The following FGGY variants were observed in gnomAD, a reference collection of about 807,000 sequenced individuals.
FGGY encodes FGGY carbohydrate kinase domain containing.
A neutral mutation model predicts 71.3 loss-of-function variants in FGGY; 72 were observed. That is an observed-to-expected ratio of 1.01 (90% CI 0.84 to 1.23). The LOEUF is 1.23. FGGY is among the 50% of genes most tolerant of loss of function. FGGY has a pLI of 0.00. For synonymous variants in FGGY, 251 were observed against 250.3 expected, an observed-to-expected ratio of 1.00 and a Z score of -0.02; for missense variants, 668 against 682.3, an observed-to-expected ratio of 0.98 and a Z score of 0.23.
At chr1:59,432,009 A>G (rs942975088) in intron 5 of FGGY, among the ~76,000 whole-genome samples, 1 of 152,194 alleles carries the variant, frequency 6.6e-6, no homozygotes, top group African/African-American at 2.4e-5. Flanking sequence ...GATGGATAGC[A>G]GCTCAGAATT....
intron 14 of FGGY, among the ~76,000 whole-genome samples, chr1:59,726,177 CA>C (rs1485332663): frequency 6.6e-6 from 1 of 152,010 alleles, no homozygotes; most frequent in Non-Finnish European, 1.5e-5. Context: ...CTTCATTTAT[CA>C]ACATGATTAT....
intron 8 of FGGY, among the ~76,000 whole-genome samples, chr1:59,585,280 C>A (rs1458326435): frequency 6.6e-6 from 1 of 152,150 alleles, no homozygotes; most frequent in Non-Finnish European, 1.5e-5. Flanking sequence ...TACTACCAGG[C>A]TACAGGAACC....
chr1:59,710,543 A>C (rs1009975731), intron 14 of FGGY, among the ~76,000 whole-genome samples: 1 of 152,246 alleles, frequency 6.6e-6, no homozygotes, highest in East Asian at 1.9e-4. Flanking sequence ...TTTGCAATCT[A>C]TCCATCTGAA....
At chr1:59,303,078 C>T (rs2153080872) in intron 1 of FGGY, among the ~76,000 whole-genome samples, 2 of 152,242 alleles carry the variant, frequency 1.3e-5, no homozygotes, top group Non-Finnish European at 2.9e-5. Flanking sequence ...GAAATGATTA[C>T]CACAATCAAG....
rs1572009779 is a variant in FGGY at position 59,606,695 on chromosome 1, C to G, written c.904-1108C>G. On this transcript the variant is annotated intron_variant, in intron 8 of 15. Coordinates refer to ENST00000303721, the MANE Select transcript of FGGY (RefSeq NM_018291.5). ...TTTTATGCTTTGTTTATAATGAGAG[C>G]TAGCAACTCAGGGAAATCAGAATGA... 2.0e-5 allele frequency among the ~76,000 whole-genome samples: 3 copies of G among 152,172 alleles called. No individual in the cohort carries two copies. The South Asian group carries it at 6.2e-4, about 32-fold the overall frequency.
intron 5 of FGGY, among the ~76,000 whole-genome samples, chr1:59,417,691 A>G (rs1013550164): frequency 1.3e-5 from 2 of 152,194 alleles, no homozygotes; most frequent in African/African-American, 4.8e-5. Context: ...GCCTTTATGT[A>G]ATGACTACTA....
chr1:59,631,320 T>C (rs2096906626), intron 10 of FGGY, among the ~76,000 whole-genome samples: 1 of 152,226 alleles, frequency 6.6e-6, no homozygotes, highest in Admixed American at 6.5e-5. Flanking sequence ...TGCTCTTGAC[T>C]TCATTTCTGT....
intron 14 of FGGY, among the ~76,000 whole-genome samples, chr1:59,735,642 A>G (rs2098094886): frequency 1.3e-5 from 2 of 152,224 alleles, no homozygotes. Flanking sequence ...TTATGAAGGA[A>G]GACAGAGCTT....
intron 5 of FGGY, among the ~76,000 whole-genome samples, chr1:59,408,542 CAT>C (rs1032720542): frequency 5.3e-5 from 8 of 152,284 alleles, no homozygotes; most frequent in African/African-American, 1.2e-4. Flanking sequence ...TTTTGGCACA[CAT>C]ATGTGTGCAC....
intron 1 of FGGY, among the ~76,000 whole-genome samples, chr1:59,304,552 T>G (rs1284423926): frequency 3.3e-5 from 5 of 152,058 alleles, no homozygotes; most frequent in African/African-American, 9.7e-5. Flanking sequence ...TATTTGGAGT[T>G]TTTTGTGGTT....
At chr1:59,756,950 C>T (rs1164576656) in intron 14 of FGGY, among the ~76,000 whole-genome samples, 2 of 148,856 alleles carry the variant, frequency 1.3e-5, no homozygotes, top group East Asian at 3.9e-4. Context: ...GTGAGTTTCT[C>T]CAGGATAAAG....
chr1:59,529,480 A>C (rs2153661516), intron 7 of FGGY, among the ~76,000 whole-genome samples: 1 of 152,326 alleles, frequency 6.6e-6, no homozygotes, highest in East Asian at 1.9e-4. Flanking sequence ...TCTCCACTGG[A>C]AGCAATGAAA....
chr1:59,365,766 A>T (rs1275128601), intron 4 of FGGY, among the ~76,000 whole-genome samples: 1 of 152,216 alleles, frequency 6.6e-6, no homozygotes, highest in Non-Finnish European at 1.5e-5. Flanking sequence ...GAGATCATGC[A>T]TGTCAAAGTG....
chr1:59,602,398 A>C (rs2096586840), intron 8 of FGGY, among the ~76,000 whole-genome samples: 1 of 152,214 alleles, frequency 6.6e-6, no homozygotes, highest in South Asian at 2.1e-4. Flanking sequence ...AACTCTTAGC[A>C]ATGACTATTT....
At chr1:59,593,585 T>C (rs149251124) in intron 8 of FGGY, among the ~76,000 whole-genome samples, 8 of 152,350 alleles carry the variant, frequency 5.3e-5, no homozygotes, top group Non-Finnish European at 1.0e-4. Flanking sequence ...ATCACACATA[T>C]GCCAATCCAG....
At chr1:59,592,326 C>T (rs1324337126) in intron 8 of FGGY, among the ~76,000 whole-genome samples, 2 of 152,058 alleles carry the variant, frequency 1.3e-5, no homozygotes, top group African/African-American at 4.8e-5. Flanking sequence ...AACACTTTTA[C>T]ACTGTTGGTG....
At chr1:59,369,123 G>A (rs930043015) in intron 4 of FGGY, among the ~76,000 whole-genome samples, 10 of 152,210 alleles carry the variant, frequency 6.6e-5, no homozygotes, top group African/African-American at 1.4e-4. Flanking sequence ...TGCCTCACTC[G>A]GAAAGCGCAA....
intron 7 of FGGY, among the ~76,000 whole-genome samples, chr1:59,543,147 C>T (rs1387214699): frequency 6.6e-6 from 1 of 152,180 alleles, no homozygotes; most frequent in Admixed American, 6.5e-5. Flanking sequence ...AGCTGTTGTT[C>T]TCTTTGAAAC....
chr1:59,378,931 C>A (rs1446451750), intron 5 of FGGY, 94 bp downstream of exon 5: 2 of 1,036,908 alleles, frequency 1.9e-6, no homozygotes, highest in Non-Finnish European at 2.9e-6. Context: ...ACTGGATATA[C>A]TTTTGGTACA....
Sources: allele counts gnomAD v4.1 joint callset (sites outside exome capture counted in the v4.1 genomes callset), GRCh38; gene constraint gnomAD v4.1.1; transcripts MANE v1.5; gene names NCBI Gene and HGNC (gene_info 2026-07-23, HGNC 2026-07-21).